The following TMEM116 variants were observed in gnomAD, a reference collection of about 807,000 sequenced individuals.
TMEM116 encodes the protein transmembrane protein 116.
In TMEM116, 38 loss-of-function variants were observed where a neutral mutation model predicts 44.3. The ratio of observed to expected loss-of-function variants is 0.86; its 90% CI spans 0.66 to 1.12. The LOEUF (loss-of-function observed/expected upper bound fraction) is 1.12, where lower values mean the gene tolerates loss of function less well. TMEM116 is among the 50% of genes most tolerant of loss of function. The probability of loss-of-function intolerance (pLI) is 0.00; values close to 1 mark genes in which losing one functional copy is unlikely to be tolerated. For synonymous variants in TMEM116, 132 were observed against 144.8 expected, an observed-to-expected ratio of 0.91 and a Z score of 0.64; for missense variants, 354 against 401.7, an observed-to-expected ratio of 0.88 and a Z score of 1.01.
Position 111,931,790 on chromosome 12 carries a change from C to G in TMEM116, c.845G>C (p.Gly282Ala), listed in dbSNP as rs144475691. 2 of 1,575,650 alleles carry G rather than the reference C, an allele frequency of 1.3e-6. No homozygotes were observed. Among genetic ancestry groups the G allele is most frequent in the Non-Finnish European group, 8.6e-7 (1 of 1,162,404 alleles). ...TATSQGLLNCGVYGWTQHKFH... is the reference protein window; with the variant it reads ...TATSQGLLNCAVYGWTQHKFH... ...TTTGTGCTGCGTCCAGCCATATACT[C>G]CACAGTTGAGTAGACCCTGAGATGT... Residue 282 changes from glycine to alanine, a missense_variant, in exon 11 of 11, where the codon GGA becomes GCA. By Grantham distance (60) the Gly-to-Ala change is moderately conservative. Transcript: ENST00000552374.
chr12:111,978,053 A>T (rs1249857237), intron 4 of TMEM116, among the ~76,000 whole-genome samples: 1 of 151,928 alleles, frequency 6.6e-6, no homozygotes, highest in African/African-American at 2.4e-5. Context: ...ATTGCTTTCA[A>T]TATGATCTAA....
rs756194037 is a variant in TMEM116, at chr12:111,932,570, A to G, written c.807+16T>C. 7 of 1,608,344 alleles carry G rather than the reference A, an allele frequency of 4.4e-6. No homozygotes were observed. The highest frequency in any genetic ancestry group is 6.0e-6 in the Non-Finnish European group (7 of 1,174,756). On this transcript the variant is annotated intron_variant, in intron 10 of 10. Transcript: ENST00000552374. ...GCGGGTGTAAGAACAGAGATACTGA[A>G]TGTTGAAGGTGTTACCTGGAGAACA...
At chr12:112,005,830 T>C (rs769545899) in intron 1 of TMEM116, 28 of 880,372 alleles carry the variant, frequency 3.2e-5, no homozygotes, top group Non-Finnish European at 3.8e-5. Context: ...GATAGACTAG[T>C]AAAACAGAGA....
intron 4 of TMEM116, among the ~76,000 whole-genome samples, chr12:111,954,018 T>C (rs1304128669): frequency 6.6e-6 from 1 of 152,196 alleles, no homozygotes; most frequent in African/African-American, 2.4e-5. Context: ...GTATTAACCC[T>C]AGTTTAATGT....
At chr12:111,951,494 G>T (rs890351387) in intron 4 of TMEM116, among the ~76,000 whole-genome samples, 7 of 152,186 alleles carry the variant, frequency 4.6e-5, no homozygotes, top group African/African-American at 1.7e-4. Context: ...TCATAAAAAA[G>T]GACAAGATCA....
intron 4 of TMEM116, among the ~76,000 whole-genome samples, chr12:111,986,741 C>A (rs867626971): frequency 6.6e-6 from 1 of 151,500 alleles, no homozygotes; most frequent in Non-Finnish European, 1.5e-5. Flanking sequence ...CCCAGAAGGT[C>A]GAGGCTACAG....
chr12:111,933,311 A>G (rs1467611250), intron 9 of TMEM116, among the ~76,000 whole-genome samples: 2 of 151,982 alleles, frequency 1.3e-5, no homozygotes, highest in African/African-American at 2.4e-5. Context: ...GCAGGTGTTA[A>G]TATCTCCAAG....
intron 1 of TMEM116, chr12:112,011,080 C>G (rs553232279): frequency 1.3e-5 from 2 of 152,428 alleles, no homozygotes; most frequent in African/African-American, 4.8e-5. Flanking sequence ...GCGGTGGGAA[C>G]AGACACTCCT....
rs919920280 is a variant in TMEM116 at position 111,993,420 on chromosome 12, A to G, written c.79-1531T>C. The G allele has an allele frequency of 3.2e-5, 18 of 555,550 alleles. No individual in the cohort carries two copies. The African/African-American group carries it at 3.4e-4, about 11-fold the overall frequency. 34.4% of individuals were successfully genotyped at this position (555,550 alleles called of 1,614,324 possible). A position where few individuals can be genotyped will look rare whatever the true frequency, so the allele number is the denominator to read the frequency against. On this transcript the variant is annotated intron_variant, in intron 3 of 10. Transcript: ENST00000552374. ...CAAGTTTGGCTTTTATGAAGTCTTT[A>G]AAGTCTTGTATAGCAACATACTCCC... is the stretch of plus-strand genomic sequence containing the variant.
At chr12:111,979,272 T>A (rs1038478645) in intron 4 of TMEM116, among the ~76,000 whole-genome samples, 1 of 150,200 alleles carries the variant, frequency 6.7e-6, no homozygotes, top group African/African-American at 2.4e-5. Context: ...GTATACATAT[T>A]ATATATATAT....
At chr12:111,976,221 T>C (rs907209826) in intron 4 of TMEM116, among the ~76,000 whole-genome samples, 2 of 152,112 alleles carry the variant, frequency 1.3e-5, no homozygotes, top group African/African-American at 4.8e-5. Context: ...TTGGTCAGGA[T>C]GGTCTCGAAC....
chr12:112,009,528 G>A (rs1412314884), intron 1 of TMEM116, among the ~76,000 whole-genome samples: 2 of 140,764 alleles, frequency 1.4e-5, no homozygotes, highest in Admixed American at 6.9e-5. Context: ...ATCAGCATGG[G>A]TTTACTTAAA....
chr12:111,997,765 G>A (rs768295750), intron 3 of TMEM116, among the ~76,000 whole-genome samples: 15 of 152,158 alleles, frequency 9.9e-5, no homozygotes, highest in South Asian at 2.1e-4. Context: ...GGGTTAGATG[G>A]TCAAGTTGCC....
At chr12:111,972,396 C>T (rs986622861) in intron 4 of TMEM116, among the ~76,000 whole-genome samples, 2 of 152,098 alleles carry the variant, frequency 1.3e-5, no homozygotes, top group Admixed American at 1.3e-4. Flanking sequence ...AGTCAGATAT[C>T]AATACTCCTC....
chr12:111,939,174 G>C (rs1344098881), intron 5 of TMEM116, among the ~76,000 whole-genome samples: 1 of 152,036 alleles, frequency 6.6e-6, no homozygotes, highest in Non-Finnish European at 1.5e-5. Context: ...CTTATTGCTG[G>C]CTGGGTGCAG....
At chr12:111,999,965 C>CT (rs1310317110) in intron 3 of TMEM116, among the ~76,000 whole-genome samples, 5 of 151,808 alleles carry the variant, frequency 3.3e-5, no homozygotes, top group Admixed American at 1.3e-4. Flanking sequence ...ATTTATGCTG[C>CT]TTTTTTTTGT....
chr12:112,008,751 C>G (rs1317088558), intron 1 of TMEM116, among the ~76,000 whole-genome samples: 1 of 152,086 alleles, frequency 6.6e-6, no homozygotes, highest in Non-Finnish European at 1.5e-5. Flanking sequence ...GTGGGTGGAT[C>G]ACCTGAGGTC....
intron 3 of TMEM116, chr12:112,000,681 C>A: frequency 4.0e-6 from 2 of 503,608 alleles, no homozygotes; most frequent in Non-Finnish European, 4.1e-6. Flanking sequence ...CAATAATGAC[C>A]TAAATAATAA....
chr12:111,977,384 T>C (rs1347240873), intron 4 of TMEM116, among the ~76,000 whole-genome samples: 2 of 152,274 alleles, frequency 1.3e-5, no homozygotes, highest in Non-Finnish European at 1.5e-5. Context: ...AATTATTCTA[T>C]AAAAATGAAG....
Sources: gnomAD v4.1 joint callset for allele counts (sites outside exome capture counted in the v4.1 genomes callset) on GRCh38, gnomAD v4.1.1 for gene constraint, MANE v1.5 for transcripts, NCBI Gene and HGNC (gene_info 2026-07-23, HGNC 2026-07-21) for gene names.